Variants in ABCB1 observed in about 807,000 individuals in gnomAD.
ABCB1 encodes ATP-dependent translocase ABCB1.
In ABCB1, 69 loss-of-function variants were observed where a neutral mutation model predicts 142.0. The ratio of observed to expected loss-of-function variants is 0.49; its 90% CI spans 0.40 to 0.59. The LOEUF (loss-of-function observed/expected upper bound fraction) is 0.59. Ranked by LOEUF, ABCB1 falls within the 20% of genes least tolerant of loss-of-function variation. The probability of loss-of-function intolerance (pLI) is 0.00; values close to 1 mark genes in which losing one functional copy is unlikely to be tolerated. For synonymous variants in ABCB1, 532 were observed against 539.2 expected, an observed-to-expected ratio of 0.99 and a Z score of 0.18; for missense variants, 1,326 against 1,554.7, an observed-to-expected ratio of 0.85 and a Z score of 2.47.
At chr7:87,552,647 T>TAA (rs74990983) in intron 9 of ABCB1, among the ~76,000 whole-genome samples, 5 of 107,770 alleles carry the variant, frequency 4.6e-5, no homozygotes, top group African/African-American at 3.8e-5. Context: ...ATCACTATAC[T>TAA]AAAAAAAAAA....
intron 1 of ABCB1, among the ~76,000 whole-genome samples, chr7:87,679,845 C>T (rs974100943): frequency 1.3e-5 from 2 of 150,580 alleles, no homozygotes; most frequent in Non-Finnish European, 2.9e-5. Context: ...AAAGTATGTT[C>T]TCTGTAATGG....
In ABCB1 at chr7:87,566,248, G is replaced by C. The variant is rs1817778822; in HGVS notation, c.531-7C>G. The C allele has an allele frequency of 6.2e-7, 1 of 1,613,240 alleles. No homozygotes were observed. The highest frequency in any genetic ancestry group is 1.3e-5 in the African/African-American group (1 of 74,924). On this transcript the variant is annotated splice_region_variant and splice_polypyrimidine_tract_variant and intron_variant, in intron 6 of 27. Transcript: ENST00000622132. Reference sequence around the variant, plus strand: ...ATTAATCTTGGAGACATCACTGAAAGAACAGATAGTGTTAGAAATAATTGT... The same window carrying C: ...ATTAATCTTGGAGACATCACTGAAACAACAGATAGTGTTAGAAATAATTGT...
At chr7:87,656,345 A>G (rs1254181250) in intron 1 of ABCB1, among the ~76,000 whole-genome samples, 1 of 152,144 alleles carries the variant, frequency 6.6e-6, no homozygotes, top group African/African-American at 2.4e-5. Context: ...TAACCAGTGA[A>G]GCTAGACAAT....
chr7:87,646,225 C>T (rs78192655), intron 1 of ABCB1, among the ~76,000 whole-genome samples: 1,611 of 152,264 alleles, frequency 0.011, 26 homozygotes, highest in East Asian at 0.058. Flanking sequence ...TTGTTGACTA[C>T]TGATTGATCC....
intron 17 of ABCB1, 62 bp downstream of exon 17, chr7:87,544,067 T>G (rs1295126939): frequency 1.3e-6 from 2 of 1,594,770 alleles, no homozygotes; most frequent in Non-Finnish European, 1.7e-6. Context: ...CACAAGCACT[T>G]TATTCGTTCA....
At chr7:87,587,744 A>T (rs112174094) in intron 3 of ABCB1, among the ~76,000 whole-genome samples, 2 of 151,792 alleles carry the variant, frequency 1.3e-5, no homozygotes, top group Non-Finnish European at 2.9e-5. Context: ...ATGTGGTGGC[A>T]GGCGCCTGTA....
chr7:87,668,001 G>C (rs1825438022), intron 1 of ABCB1, among the ~76,000 whole-genome samples: 1 of 152,016 alleles, frequency 6.6e-6, no homozygotes, highest in Non-Finnish European at 1.5e-5. Context: ...TGGCCTTAGA[G>C]AATGAGGTGG....
At chr7:87,558,404 T>C (rs1050604358) in intron 8 of ABCB1, among the ~76,000 whole-genome samples, 2 of 152,218 alleles carry the variant, frequency 1.3e-5, no homozygotes, top group Non-Finnish European at 2.9e-5. Flanking sequence ...AGAGATCTTA[T>C]TGTATTTTGT....
At chr7:87,651,008 A>G in intron 1 of ABCB1, 1 of 879,454 alleles carries the variant, frequency 1.1e-6, no homozygotes, top group South Asian at 1.5e-5. Context: ...TTTAGAAATC[A>G]TACAGTCTGT....
intron 1 of ABCB1, among the ~76,000 whole-genome samples, chr7:87,610,201 G>T (rs1563073808): frequency 6.7e-6 from 1 of 148,264 alleles, no homozygotes; most frequent in East Asian, 2.0e-4. Context: ...TCATACTGCA[G>T]TGTTCTTATG....
chr7:87,530,328 G>C (rs1225426356), intron 21 of ABCB1, among the ~76,000 whole-genome samples: 2 of 152,188 alleles, frequency 1.3e-5, no homozygotes. Flanking sequence ...TCTGCCATCA[G>C]AGGAACTCTT....
chr7:87,598,967 A>G (rs902480768), intron 2 of ABCB1, among the ~76,000 whole-genome samples: 2 of 152,222 alleles, frequency 1.3e-5, no homozygotes, highest in Non-Finnish European at 2.9e-5. Context: ...CAGATCTGGT[A>G]CTAACAGTGC....
At chr7:87,540,151 T>G (rs1239779380) in intron 18 of ABCB1, among the ~76,000 whole-genome samples, 1 of 152,212 alleles carries the variant, frequency 6.6e-6, no homozygotes, top group Non-Finnish European at 1.5e-5. Context: ...TAATACATGC[T>G]TACATGTTAA....
At chr7:87,703,361 A>G (rs1452592965) in intron 1 of ABCB1, among the ~76,000 whole-genome samples, 3 of 152,186 alleles carry the variant, frequency 2.0e-5, no homozygotes, top group East Asian at 1.9e-4. Context: ...ACCAAAATCT[A>G]TAATGTTTAA....
intron 4 of ABCB1, among the ~76,000 whole-genome samples, chr7:87,582,564 A>G (rs1818554447): frequency 6.6e-6 from 1 of 152,202 alleles, no homozygotes; most frequent in Admixed American, 6.5e-5. Context: ...CCCTCACTCA[A>G]TACCCTACTT....
At chr7:87,588,826 C>G (rs1205041643) in intron 3 of ABCB1, among the ~76,000 whole-genome samples, 1 of 152,120 alleles carries the variant, frequency 6.6e-6, no homozygotes, top group Non-Finnish European at 1.5e-5. Flanking sequence ...TATTTTTTTA[C>G]TTTGTAATAA....
At chr7:87,674,639 G>T (rs1826144139) in intron 1 of ABCB1, among the ~76,000 whole-genome samples, 1 of 152,088 alleles carries the variant, frequency 6.6e-6, no homozygotes, top group African/African-American at 2.4e-5. Flanking sequence ...GGGCTAGCAT[G>T]TATTGGCAGG....
At chr7:87,671,038 A>C (rs142561049) in intron 1 of ABCB1, among the ~76,000 whole-genome samples, 120 of 152,262 alleles carry the variant, frequency 7.9e-4, no homozygotes, top group African/African-American at 2.7e-3. Context: ...GTTGTGACTG[A>C]GGGTCATTTG....
intron 21 of ABCB1, chr7:87,522,327 C>G (rs2117103289): frequency 5.4e-6 from 4 of 747,432 alleles, no homozygotes; most frequent in East Asian, 2.5e-5. Context: ...TATGCTGGTA[C>G]AGGCCAGTAC....
Sources: allele counts gnomAD v4.1 joint callset (sites outside exome capture counted in the v4.1 genomes callset), GRCh38; gene constraint gnomAD v4.1.1; transcripts MANE v1.5; gene names NCBI Gene and HGNC (gene_info 2026-07-23, HGNC 2026-07-21).